Variants in NXPH1 observed in about 807,000 individuals in gnomAD.
NXPH1 encodes the protein neurexophilin-1.
A neutral mutation model predicts 23.7 loss-of-function variants in NXPH1; 5 were observed. The ratio of observed to expected loss-of-function variants is 0.21; its 90% CI spans 0.11 to 0.44. The LOEUF (loss-of-function observed/expected upper bound fraction) is 0.44. Ranked by LOEUF, NXPH1 falls within the 20% of genes least tolerant of loss-of-function variation. The pLI is 0.99. For synonymous variants in NXPH1, 144 were observed against 122.2 expected (o/e 1.18, Z -1.18); for missense variants, 324 against 321.6 (o/e 1.01, Z -0.06).
intron 2 of NXPH1, among the ~76,000 whole-genome samples, chr7:8,658,812 AATGTG>A (rs1364815957): frequency 6.6e-6 from 1 of 152,186 alleles, no homozygotes; most frequent in Non-Finnish European, 1.5e-5. Context: ...AATATTGATT[AATGTG>A]CATACAAAGT....
intron 2 of NXPH1, among the ~76,000 whole-genome samples, chr7:8,492,486 ATATT>A (rs1352860390): frequency 7.9e-5 from 12 of 152,028 alleles, no homozygotes; most frequent in Non-Finnish European, 1.3e-4. Flanking sequence ...AGTAAATAAG[ATATT>A]TATTTATTCA....
chr7:8,615,915 G>A (rs192448555), intron 2 of NXPH1, among the ~76,000 whole-genome samples: 14 of 152,170 alleles, frequency 9.2e-5, no homozygotes, highest in African/African-American at 3.1e-4. Flanking sequence ...TAAAGTATAA[G>A]AGGTAAACAG....
intron 2 of NXPH1, among the ~76,000 whole-genome samples, chr7:8,737,675 AC>A (rs1377117237): frequency 2.0e-5 from 3 of 152,054 alleles, no homozygotes; most frequent in African/African-American, 7.2e-5. Context: ...TTGAATGTTG[AC>A]CTGTCTTGCT....
chr7:8,560,483 C>T (rs913844734), intron 2 of NXPH1, among the ~76,000 whole-genome samples: 2 of 148,418 alleles, frequency 1.3e-5, no homozygotes, highest in African/African-American at 5.2e-5. Context: ...CAGCCACTTA[C>T]TTGAATCCAC....
chr7:8,489,954 C>T (rs1344110806), intron 2 of NXPH1, among the ~76,000 whole-genome samples: 1 of 152,050 alleles, frequency 6.6e-6, no homozygotes, highest in Non-Finnish European at 1.5e-5. Flanking sequence ...ACAAATCTTA[C>T]TCTATTGAGC....
Position 8,626,191 on chromosome 7 carries a change from G to GA in NXPH1, c.55-124807dup, listed in dbSNP as rs112831192. Among the ~76,000 whole-genome samples, 703 of 146,398 alleles carry GA rather than the reference G, an allele frequency of 4.8e-3. 3 individuals are homozygous for GA. The highest frequency in any genetic ancestry group is 7.2e-3 in the Non-Finnish European group (478 of 66,220). On this transcript the variant is annotated intron_variant, in intron 2 of 2. Coordinates refer to ENST00000405863, the MANE Select transcript of NXPH1 (RefSeq NM_152745.3). ...TAACCTGATGAGGAAAGTCAATTCT[G>GA]AAAAAAAAAAGAACATTTTAATAAG...
intron 2 of NXPH1, among the ~76,000 whole-genome samples, chr7:8,629,936 A>G (rs765637473): frequency 4.6e-5 from 7 of 152,172 alleles, no homozygotes; most frequent in African/African-American, 1.7e-4. Flanking sequence ...TCTTGGCCTG[A>G]ATAGCTTATA....
intron 2 of NXPH1, among the ~76,000 whole-genome samples, chr7:8,674,593 A>T (rs973985360): frequency 9.9e-5 from 15 of 152,152 alleles, no homozygotes; most frequent in African/African-American, 3.6e-4. Flanking sequence ...ACTCTAAAGG[A>T]GTTTGGGGTT....
chr7:8,671,669 C>T (rs1206325752), intron 2 of NXPH1, among the ~76,000 whole-genome samples: 2 of 152,082 alleles, frequency 1.3e-5, no homozygotes, highest in Non-Finnish European at 2.9e-5. Flanking sequence ...AAGTTTGGTA[C>T]AGAAAAACAC....
intron 2 of NXPH1, among the ~76,000 whole-genome samples, chr7:8,729,896 G>T (rs1329969701): frequency 1.4e-5 from 2 of 147,924 alleles, no homozygotes; most frequent in African/African-American, 4.9e-5. Flanking sequence ...GGGTATCCTT[G>T]TTGACTTTCT....
intron 2 of NXPH1, among the ~76,000 whole-genome samples, chr7:8,668,639 T>G (rs1820818905): frequency 6.7e-6 from 1 of 149,422 alleles, no homozygotes; most frequent in Admixed American, 6.7e-5. Flanking sequence ...TGGGATAGGC[T>G]TTGAGCCTGA....
intron 2 of NXPH1, among the ~76,000 whole-genome samples, chr7:8,595,688 A>G (rs1335270050): frequency 6.6e-6 from 1 of 151,892 alleles, no homozygotes; most frequent in Non-Finnish European, 1.5e-5. Flanking sequence ...TACTGACTAT[A>G]TTTTAGTTGA....
At position 8,751,652 on chromosome 7, in the gene NXPH1, G is replaced by A. The variant is rs1780566887; in HGVS notation, c.699G>A (p.Lys233=). ...TQSHVSWLCS[K]PFKVICIYIS... ...GTCATGTATCCTGGCTCTGCTCCAA[G>A]CCCTTTAAGGTGATCTGTATTTACA... is the stretch of plus-strand genomic sequence containing the variant. Residue 233 remains lysine (K), a synonymous_variant, in exon 3 of 3, where the codon AAG becomes AAA. Transcript: ENST00000405863. This position sits in a 1 kb window ranked among gnomAD's most constrained non-coding sequence, Gnocchi z 4.5. The A allele has an allele frequency of 1.2e-6, 2 of 1,613,182 alleles. No individual in the cohort carries two copies. The highest frequency in any genetic ancestry group is 1.7e-6 in the Non-Finnish European group (2 of 1,179,634).
chr7:8,466,362 G>A (rs778845094), intron 2 of NXPH1, among the ~76,000 whole-genome samples: 3 of 152,194 alleles, frequency 2.0e-5, no homozygotes, highest in Non-Finnish European at 2.9e-5. Flanking sequence ...GTATGGGAAC[G>A]ATGAGCTCTT....
intron 2 of NXPH1, among the ~76,000 whole-genome samples, chr7:8,516,016 A>G (rs1399627292): frequency 1.3e-5 from 2 of 151,780 alleles, no homozygotes; most frequent in Admixed American, 6.6e-5. Flanking sequence ...TTAGTCATAT[A>G]TTTTTCTGCC....
Position 8,637,115 on chromosome 7 carries a change from T to C in NXPH1, c.55-113893T>C, listed in dbSNP as rs140200001. ...CTGCCTATAGACATGTGGTCAGCCT[T>C]TACACTTAAATCAAGAAAATGGCAG... On this transcript the variant is annotated intron_variant, in intron 2 of 2. Transcript: ENST00000405863. Among the ~76,000 whole-genome samples the C allele has an allele frequency of 5.6e-3, 848 of 152,270 alleles. 10 individuals are homozygous for C. The highest frequency in any genetic ancestry group is 0.019 in the African/African-American group (805 of 41,548).
chr7:8,476,714 AT>A (rs1449972868), intron 2 of NXPH1, among the ~76,000 whole-genome samples: 10 of 150,262 alleles, frequency 6.7e-5, no homozygotes, highest in Admixed American at 5.3e-4. Flanking sequence ...GATAAAAAAA[AT>A]AAAAACTGTA....
intron 2 of NXPH1, among the ~76,000 whole-genome samples, chr7:8,529,214 C>T (rs1817912591): frequency 6.6e-6 from 1 of 152,228 alleles, no homozygotes; most frequent in Non-Finnish European, 1.5e-5. Flanking sequence ...ACATTGGGTT[C>T]ACCCAAATAA....
At chr7:8,673,853 C>T (rs1306331928) in intron 2 of NXPH1, among the ~76,000 whole-genome samples, 1 of 151,210 alleles carries the variant, frequency 6.6e-6, no homozygotes. Flanking sequence ...TATTTTATGG[C>T]TAACATGGAT....
Sources: gnomAD v4.1 joint callset for allele counts (sites outside exome capture counted in the v4.1 genomes callset) on GRCh38, gnomAD v4.1.1 for gene constraint, Gnocchi (gnomAD v3.1) non-coding constraint, MANE v1.5 for transcripts, NCBI Gene and HGNC (gene_info 2026-07-23, HGNC 2026-07-21) for gene names.